ZNF506: variants seen among roughly 807,000 people sequenced by gnomAD.
The protein encoded by ZNF506 is zinc finger protein 506.
ZNF506 carries 10 observed loss-of-function variants against 11.6 expected under a neutral mutation model. The observed-to-expected ratio is 0.86, with a 90% CI of 0.53 to 1.46. The LOEUF (loss-of-function observed/expected upper bound fraction) is 1.46, where lower values mean the gene tolerates loss of function less well. Among genes scored for constraint, ZNF506 ranks in the 40% most tolerant of loss-of-function variants. ZNF506 has a pLI of 0.00. For synonymous variants in ZNF506, 156 were observed against 173.3 expected (o/e 0.90, Z 0.78); for missense variants, 425 against 521.2 (o/e 0.82, Z 1.80).
At chr19:19,800,935 C>A (rs925900147) in intron 3 of ZNF506, among the ~76,000 whole-genome samples, 2 of 151,644 alleles carry the variant, frequency 1.3e-5, no homozygotes, top group African/African-American at 2.4e-5. Context: ...CCGAGGCAGG[C>A]GGATCACCTG....
At chr19:19,799,013 GAGC>G (rs771129128) in intron 3 of ZNF506, 2 of 152,786 alleles carry the variant, frequency 1.3e-5, no homozygotes, top group Non-Finnish European at 2.9e-5. Flanking sequence ...AACAAAATGA[GAGC>G]AGAAGAGGTC....
intron 1 of ZNF506, among the ~76,000 whole-genome samples, chr19:19,816,063 G>A (rs2062928314): frequency 6.6e-6 from 1 of 151,812 alleles, no homozygotes; most frequent in Non-Finnish European, 1.5e-5. Context: ...GAGTTAGATG[G>A]TGCTCTCTTT....
At position 19,795,374 on chromosome 19, in the gene ZNF506, T is replaced by C. The variant is rs764112650; in HGVS notation, c.513A>G (p.Lys171=). ...TCCCATATTCTATACATTTAAAAGA[T>C]TTTTTTCCAGTATCTCTTATCTTAT... The part of the protein sequence containing the change: ...NKHKIRDTGK[K]SFKCIEYGKT... The change falls in exon 4 of 4, where the codon AAA becomes AAG. Residue 171 remains lysine (K), a synonymous_variant. Coordinates refer to ENST00000540806, the MANE Select transcript of ZNF506 (RefSeq NM_001099269.3). 4 of 1,607,932 alleles carry C rather than the reference T, an allele frequency of 2.5e-6. No homozygotes were observed. The highest frequency in any genetic ancestry group is 4.5e-5 in the East Asian group (2 of 44,786).
chr19:19,804,323 C>T (rs1258702270), intron 3 of ZNF506, among the ~76,000 whole-genome samples: 1 of 152,134 alleles, frequency 6.6e-6, no homozygotes, highest in East Asian at 1.9e-4. Context: ...CCAACAGACA[C>T]ATGAAAAAAT....
At chr19:19,821,564 C>G in intron 1 of ZNF506, 37 bp downstream of exon 1, 1 of 1,613,958 alleles carries the variant, frequency 6.2e-7, no homozygotes, top group Non-Finnish European at 8.5e-7. Flanking sequence ...CAACCAGCCC[C>G]TCTCCCTCTC....
Position 19,810,088 on chromosome 19 carries a change from T to C in ZNF506, c.4-3020A>G, listed in dbSNP as rs529291296. Among the ~76,000 whole-genome samples, 33 of 152,326 alleles carry C rather than the reference T, an allele frequency of 2.2e-4. 1 individual carries two copies. In the South Asian group the frequency reaches 6.8e-3, roughly 32 times the overall value. On this transcript the variant is annotated intron_variant, in intron 1 of 3. Transcript: ENST00000540806. ...TCACTTGGTAATTTTGGCCCCACTT[T>C]ATGTAGTGTGATTTTGCAGGTTTGA...
chr19:19,804,919 A>G (rs1599517114), intron 3 of ZNF506, among the ~76,000 whole-genome samples: 1 of 143,096 alleles, frequency 7.0e-6, no homozygotes, highest in East Asian at 2.3e-4. Context: ...AACATCACAC[A>G]CCGGGGCCTG....
rs941655457 is a variant in ZNF506, at chr19:19,795,665, A to G, written c.227-5T>C. ...GGGCAAAATGAGAATACATAACTGA[A>G]AGAAACAATAAAAACACATGACTTC... is the stretch of plus-strand genomic sequence containing the variant. On this transcript the variant is annotated splice_region_variant and splice_polypyrimidine_tract_variant and intron_variant, in intron 3 of 3. Transcript: ENST00000540806. 1 of 1,489,466 alleles carries G rather than the reference A, an allele frequency of 6.7e-7. No homozygotes were observed. Among genetic ancestry groups the G allele is most frequent in the Non-Finnish European group, 8.9e-7 (1 of 1,122,690 alleles). 92.3% of individuals were successfully genotyped at this position (1,489,466 alleles called of 1,614,324 possible). A position where few individuals can be genotyped will look rare whatever the true frequency, so the allele number is the denominator to read the frequency against.
rs771201743 is a variant in ZNF506, at chr19:19,794,705, C to T, written c.1182G>A (p.Glu394=). 2 of 1,614,022 alleles carry T rather than the reference C, an allele frequency of 1.2e-6. No individual in the cohort carries two copies. Among genetic ancestry groups the T allele is most frequent in the Non-Finnish European group, 1.7e-6 (2 of 1,179,992 alleles). Residue 394 remains glutamate, a synonymous_variant, in exon 4 of 4, where the codon GAG becomes GAA. Transcript: ENST00000540806. ...CACATTCTTCACATTTGTACGGTTT[C>T]TCTCCAGTATGAATTATCTTATGTT... ...LTEHKIIHTG[E]KPYKCEECGK...
rs371616870 is a variant in ZNF506 at position 19,794,886 on chromosome 19, A to G, written c.1001T>C (p.Ile334Thr). 3.1e-6 allele frequency: 5 copies of G among 1,613,702 alleles called. No homozygotes were observed. The African/African-American group carries it at 6.7e-5, about 22-fold the overall frequency. ...TTTGTAGGGTACATCTCCAGTATGAATTCTCTTATGTTTAGTAAGGTTTGA... is the reference window on the plus strand; with the variant it reads ...TTTGTAGGGTACATCTCCAGTATGAGTTCTCTTATGTTTAGTAAGGTTTGA... ...RSSNLTKHKR[I>T]HTGDVPYKCD... Residue 334 changes from isoleucine to threonine, a missense_variant, in exon 4 of 4, where the codon ATT (isoleucine) becomes ACT (threonine). Ile to Thr is a moderately conservative substitution (Grantham distance 89). Around this residue, in one of 3 missense-constraint regions of ZNF506, gnomAD observed 192 missense variants for 215.7 expected, o/e 0.89. Transcript: ENST00000540806.
Position 19,809,942 on chromosome 19 carries a change from AC to A in ZNF506, c.4-2875del, listed in dbSNP as rs544623784. ...TGGATGCTTCCACACACAACAATAA[AC>A]AGAAGCTGTGGGGAGGGCACAAGAG... is the stretch of plus-strand genomic sequence containing the variant. On this transcript the variant is annotated intron_variant, in intron 1 of 3. Transcript: ENST00000540806. 3.2e-4 allele frequency among the ~76,000 whole-genome samples: 49 copies of A among 152,298 alleles called. No individual in the cohort carries two copies. In the South Asian group the frequency reaches 9.7e-3, roughly 30 times the overall value.
chr19:19,801,015 C>A (rs549323740), intron 3 of ZNF506, among the ~76,000 whole-genome samples: 1 of 151,666 alleles, frequency 6.6e-6, no homozygotes, highest in Admixed American at 6.6e-5. Context: ...AGAAAATTAG[C>A]CAGGTATGGT....
chr19:19,806,195 A>G (rs1599518625), intron 2 of ZNF506, 69 bp from the exon 3 acceptor site: 2 of 1,104,906 alleles, frequency 1.8e-6, no homozygotes, highest in East Asian at 2.8e-5. Context: ...TACTGTGCTC[A>G]GCAGAGAGGA....
chr19:19,818,548 G>A (rs1317979343), intron 1 of ZNF506, among the ~76,000 whole-genome samples: 2 of 152,196 alleles, frequency 1.3e-5, no homozygotes. Flanking sequence ...AAACACATCT[G>A]AGAAAATTCC....
rs201776672 is a variant in ZNF506 at position 19,805,985 on chromosome 19, A to T, written c.226+46T>A. 9 of 1,478,550 alleles carry T rather than the reference A, an allele frequency of 6.1e-6. No homozygotes were observed. In the South Asian group the frequency reaches 9.9e-5, roughly 16 times the overall value. The allele number at this position is 1,478,550 out of a possible 1,614,324, so 91.6% of individuals were successfully genotyped here. ...GACTCGCTTTCTCTTTGACCTTGGGACCTCTATCTGTGTTGTCTGTCCTAT... is the reference window on the plus strand; with the variant it reads ...GACTCGCTTTCTCTTTGACCTTGGGTCCTCTATCTGTGTTGTCTGTCCTAT... On this transcript the variant is annotated intron_variant, in intron 3 of 3. Transcript: ENST00000540806.
intron 1 of ZNF506, among the ~76,000 whole-genome samples, chr19:19,808,843 CAA>C (rs35282430): frequency 4.8e-5 from 4 of 82,714 alleles, no homozygotes; most frequent in African/African-American, 4.5e-5. Context: ...GACTCTGTCT[CAA>C]AAAAAAAAAA....
At chr19:19,797,448 A>C (rs1448361900) in intron 3 of ZNF506, 2 of 151,750 alleles carry the variant, frequency 1.3e-5, no homozygotes, top group Non-Finnish European at 2.9e-5. Flanking sequence ...AAAAAAAAAA[A>C]AAAAAAACAA....
intron 2 of ZNF506, among the ~76,000 whole-genome samples, chr19:19,806,667 T>TG (rs957435096): frequency 1.4e-4 from 21 of 151,458 alleles, no homozygotes; most frequent in African/African-American, 3.9e-4. Flanking sequence ...GATTTTCAGG[T>TG]GGGGGCAACA....
intron 1 of ZNF506, among the ~76,000 whole-genome samples, chr19:19,819,748 GA>G (rs1354851957): frequency 1.6e-4 from 25 of 152,254 alleles, no homozygotes; most frequent in African/African-American, 5.8e-4. Context: ...CTTCTCATGG[GA>G]AATATTTACA....
Sources: gnomAD v4.1 joint callset for allele counts (sites outside exome capture counted in the v4.1 genomes callset) on GRCh38, gnomAD v4.1.1 for gene constraint, gnomAD v4.1.1 regional missense constraint, MANE v1.5 for transcripts, NCBI Gene and HGNC (gene_info 2026-07-23, HGNC 2026-07-21) for gene names.